CLCN3: variants seen among roughly 807,000 people sequenced by gnomAD.
The protein encoded by CLCN3 is H(+)/Cl(-) exchange transporter 3.
A neutral mutation model predicts 83.4 loss-of-function variants in CLCN3; 16 were observed. The ratio of observed to expected loss-of-function variants is 0.19; its 90% confidence interval spans 0.13 to 0.29. The LOEUF (loss-of-function observed/expected upper bound fraction) is 0.29, where lower values mean the gene tolerates loss of function less well. Among genes scored for constraint, CLCN3 ranks in the 10% least tolerant of loss-of-function variants. The pLI is 1.00. For missense variants in CLCN3, 544 were observed against 1,006.0 expected (o/e 0.54, Z 6.21); for synonymous variants, 322 against 346.2 (o/e 0.93, Z 0.78).
chr4:169,695,043 G>A (rs1732513888), intron 7 of CLCN3, among the ~76,000 whole-genome samples: 1 of 152,058 alleles, frequency 6.6e-6, no homozygotes, highest in African/African-American at 2.4e-5. Flanking sequence ...GTGTTGGTTG[G>A]TGAGACTGTA....
At chr4:169,690,909 A>G (rs1472964237) in intron 6 of CLCN3, among the ~76,000 whole-genome samples, 3 of 152,010 alleles carry the variant, frequency 2.0e-5, no homozygotes, top group South Asian at 2.1e-4. Flanking sequence ...GCAAATTTTC[A>G]GACTATTTAG....
intron 2 of CLCN3, 132 bp downstream of exon 2, chr4:169,636,220 A>G: frequency 1.3e-6 from 1 of 786,972 alleles, no homozygotes; most frequent in Non-Finnish European, 2.0e-6. Flanking sequence ...CATAAACTTA[A>G]CCATTGTAAA....
At chr4:169,673,530 A>T (rs760018968) in intron 2 of CLCN3, among the ~76,000 whole-genome samples, 3 of 151,776 alleles carry the variant, frequency 2.0e-5, no homozygotes, top group African/African-American at 7.3e-5. Flanking sequence ...CTAGCGATGT[A>T]TTATGGATAC....
chr4:169,689,271 T>C (rs755768006), intron 5 of CLCN3, 41 bp downstream of exon 5: 41 of 1,522,082 alleles, frequency 2.7e-5, no homozygotes, highest in Middle Eastern at 1.7e-4. Flanking sequence ...ATAATTGATA[T>C]AGCAAAATGT....
chr4:169,699,513 G>A (rs1183157718), intron 9 of CLCN3, among the ~76,000 whole-genome samples: 1 of 152,136 alleles, frequency 6.6e-6, no homozygotes, highest in Non-Finnish European at 1.5e-5. Flanking sequence ...CAAAATTAGA[G>A]TGGTTTTAGT....
intron 2 of CLCN3, among the ~76,000 whole-genome samples, chr4:169,668,515 A>C (rs567110486): frequency 7.9e-5 from 12 of 152,206 alleles, no homozygotes; most frequent in Non-Finnish European, 1.2e-4. Flanking sequence ...GCTGGATCAC[A>C]GAACTAACGG....
chr4:169,634,040 T>TTGCA (rs1355997501), intron 1 of CLCN3, among the ~76,000 whole-genome samples: 6 of 152,120 alleles, frequency 3.9e-5, no homozygotes, highest in Middle Eastern at 3.2e-3. Flanking sequence ...TGGAGCAGAG[T>TTGCA]TGCATGCTTG....
chr4:169,649,910 C>G (rs2150211640), intron 2 of CLCN3, among the ~76,000 whole-genome samples: 1 of 152,238 alleles, frequency 6.6e-6, no homozygotes, highest in South Asian at 2.1e-4. Context: ...ATGGCAAGGC[C>G]TTGTCTCTAC....
chr4:169,683,106 G>A (rs1346947576), intron 3 of CLCN3, among the ~76,000 whole-genome samples: 1 of 152,106 alleles, frequency 6.6e-6, no homozygotes, highest in African/African-American at 2.4e-5. Context: ...GACATTAACA[G>A]TATTCAGGTT....
intron 2 of CLCN3, among the ~76,000 whole-genome samples, chr4:169,661,748 A>G (rs1731065215): frequency 6.6e-6 from 1 of 152,174 alleles, no homozygotes; most frequent in African/African-American, 2.4e-5. Context: ...TAAAAGCATA[A>G]AGAAGAAAAT....
chr4:169,665,466 A>G (rs1731209868), intron 2 of CLCN3, among the ~76,000 whole-genome samples: 1 of 152,150 alleles, frequency 6.6e-6, no homozygotes, highest in Non-Finnish European at 1.5e-5. Context: ...AATGTGAGGC[A>G]CTATTCTTGC....
intron 2 of CLCN3, among the ~76,000 whole-genome samples, chr4:169,663,320 G>T (rs919813312): frequency 1.0e-3 from 3 of 2,964 alleles, no homozygotes; most frequent in African/African-American, 1.2e-3. Context: ...TTTTTTTGTT[G>T]TTGTTGTTGT....
At chr4:169,636,788 T>C (rs1213515069) in intron 2 of CLCN3, among the ~76,000 whole-genome samples, 3 of 151,386 alleles carry the variant, frequency 2.0e-5, no homozygotes, top group Non-Finnish European at 1.5e-5. Flanking sequence ...CACTATGAAT[T>C]GTCATGTGCA....
At chr4:169,679,023 G>A (rs1244224074) in intron 2 of CLCN3, among the ~76,000 whole-genome samples, 3 of 151,500 alleles carry the variant, frequency 2.0e-5, no homozygotes, top group Non-Finnish European at 4.4e-5. Context: ...CAGACGGGGC[G>A]GCTGCCGGGC....
intron 2 of CLCN3, among the ~76,000 whole-genome samples, chr4:169,675,456 A>G (rs1018838489): frequency 5.3e-5 from 8 of 152,238 alleles, no homozygotes; most frequent in Admixed American, 4.6e-4. Context: ...ATTTTGTTCC[A>G]TTCCTTAAAA....
chr4:169,629,142 G>A (rs549950258), intron 1 of CLCN3, among the ~76,000 whole-genome samples: 2 of 152,252 alleles, frequency 1.3e-5, no homozygotes, highest in East Asian at 1.9e-4. Context: ...GCCATAAAAC[G>A]GCAACATGAG....
At chr4:169,701,182 A>G (rs751447554) in intron 9 of CLCN3, among the ~76,000 whole-genome samples, 7 of 152,246 alleles carry the variant, frequency 4.6e-5, no homozygotes, top group Admixed American at 1.3e-4. Context: ...CCTTTTAACA[A>G]TGTTCACAAC....
At chr4:169,688,964 A>C (rs369772845) in intron 4 of CLCN3, 79 bp from the exon 5 acceptor site, 2 of 1,212,170 alleles carry the variant, frequency 1.6e-6, no homozygotes, top group Admixed American at 4.5e-5. Context: ...CCTGCTTTCT[A>C]CTTGCCTTTT....
At chr4:169,637,369 T>C (rs539344793) in intron 2 of CLCN3, among the ~76,000 whole-genome samples, 12 of 152,170 alleles carry the variant, frequency 7.9e-5, no homozygotes, top group Non-Finnish European at 1.6e-4. Context: ...TCCTTTATTC[T>C]AAGCCAGTCT....
Sources: gnomAD v4.1 joint callset for allele counts (sites outside exome capture counted in the v4.1 genomes callset) on GRCh38, gnomAD v4.1.1 for gene constraint, MANE v1.5 for transcripts, NCBI Gene and HGNC (gene_info 2026-07-23, HGNC 2026-07-21) for gene names.